LRRC4C: variants seen among roughly 807,000 people sequenced by gnomAD.
LRRC4C encodes the protein leucine-rich repeat-containing protein 4C.
Under a neutral mutation model 33.6 loss-of-function variants are expected in LRRC4C, and 5 were observed. The ratio of observed to expected loss-of-function variants is 0.15; its 90% CI spans 0.08 to 0.31. The LOEUF is 0.31. Among genes scored for constraint, LRRC4C ranks in the 10% least tolerant of loss-of-function variants. The pLI is 1.00. For missense variants in LRRC4C, 560 were observed against 796.7 expected (o/e 0.70, Z 3.58); for synonymous variants, 329 against 302.0 (o/e 1.09, Z -0.93).
At chr11:41,221,582 T>C (rs1947308242) in intron 1 of LRRC4C, among the ~76,000 whole-genome samples, 1 of 152,166 alleles carries the variant, frequency 6.6e-6, no homozygotes, top group African/African-American at 2.4e-5. Context: ...ATCATTCTAT[T>C]ATAAAGACAT....
intron 1 of LRRC4C, among the ~76,000 whole-genome samples, chr11:40,972,592 T>C (rs925432370): frequency 2.6e-5 from 4 of 152,138 alleles, no homozygotes; most frequent in Admixed American, 1.3e-4. Flanking sequence ...CAGTTCAGCA[T>C]GGCTTGGGAG....
intron 1 of LRRC4C, among the ~76,000 whole-genome samples, chr11:41,058,319 G>A (rs530711395): frequency 1.3e-5 from 2 of 152,194 alleles, no homozygotes; most frequent in East Asian, 1.9e-4. Flanking sequence ...CTGCAGCCTC[G>A]CAAAGAGCCA....
At chr11:40,180,403 C>T (rs139348385) in intron 5 of LRRC4C, among the ~76,000 whole-genome samples, 1,894 of 152,310 alleles carry the variant, frequency 0.012, 14 homozygotes, top group Non-Finnish European at 0.02. Flanking sequence ...TTTTGCAAAA[C>T]CCCTCCTACC....
intron 5 of LRRC4C, among the ~76,000 whole-genome samples, chr11:40,180,416 A>C (rs1249609370): frequency 6.6e-6 from 1 of 152,182 alleles, no homozygotes; most frequent in Non-Finnish European, 1.5e-5. Flanking sequence ...CTCCTACCCT[A>C]TCCTCTTCCT....
At chr11:41,228,730 G>A (rs1180970494) in intron 1 of LRRC4C, among the ~76,000 whole-genome samples, 1 of 151,986 alleles carries the variant, frequency 6.6e-6, no homozygotes, top group Non-Finnish European at 1.5e-5. Context: ...CTTATTTTCT[G>A]TAGTATGTCA....
intron 3 of LRRC4C, among the ~76,000 whole-genome samples, chr11:40,394,756 G>A (rs1476794043): frequency 1.3e-5 from 2 of 152,198 alleles, no homozygotes; most frequent in Admixed American, 6.6e-5. Context: ...ATAGAGAGAA[G>A]CAATGATTTA....
intron 5 of LRRC4C, among the ~76,000 whole-genome samples, chr11:40,193,686 T>G (rs536491668): frequency 6.6e-6 from 1 of 152,048 alleles, no homozygotes; most frequent in Non-Finnish European, 1.5e-5. Flanking sequence ...TCTAACCCAA[T>G]GCAGGGAAGC....
intron 1 of LRRC4C, among the ~76,000 whole-genome samples, chr11:41,281,082 T>TC (rs1949658080): frequency 7.7e-5 from 7 of 90,854 alleles, no homozygotes; most frequent in Admixed American, 2.2e-4. Flanking sequence ...CTCTGTCCTC[T>TC]CTCTCTCTCT....
At chr11:40,778,043 T>G (rs1054065078) in intron 2 of LRRC4C, among the ~76,000 whole-genome samples, 1 of 152,274 alleles carries the variant, frequency 6.6e-6, no homozygotes, top group African/African-American at 2.4e-5. Flanking sequence ...GTAGGGACAT[T>G]TAGGCCATTT....
intron 3 of LRRC4C, among the ~76,000 whole-genome samples, chr11:40,629,337 T>G (rs552007615): frequency 6.6e-6 from 1 of 152,260 alleles, no homozygotes; most frequent in Non-Finnish European, 1.5e-5. Context: ...ATCACAACCA[T>G]ATATTTACAG....
intron 3 of LRRC4C, among the ~76,000 whole-genome samples, chr11:40,570,206 AT>A (rs897254708): frequency 6.6e-6 from 1 of 152,060 alleles, no homozygotes; most frequent in Non-Finnish European, 1.5e-5. Flanking sequence ...TATATGAATT[AT>A]TTTTTCTATG....
chr11:40,906,749 A>G (rs1216699459), intron 2 of LRRC4C, among the ~76,000 whole-genome samples: 1 of 151,956 alleles, frequency 6.6e-6, no homozygotes, highest in Non-Finnish European at 1.5e-5. Flanking sequence ...CAATAAATTC[A>G]CATGTATGTA....
chr11:41,296,212 G>A (rs575393032), intron 1 of LRRC4C, among the ~76,000 whole-genome samples: 77 of 152,270 alleles, frequency 5.1e-4, no homozygotes, highest in African/African-American at 1.7e-3. Flanking sequence ...GTGTACTTCC[G>A]ATAGGATCTT....
chr11:40,978,419 T>C (rs1445764386), intron 1 of LRRC4C, among the ~76,000 whole-genome samples: 1 of 152,198 alleles, frequency 6.6e-6, no homozygotes, highest in Non-Finnish European at 1.5e-5. Context: ...TATTTTATAA[T>C]ATTTGGAGAC....
chr11:41,001,053 T>C (rs1854340691), intron 1 of LRRC4C, among the ~76,000 whole-genome samples: 1 of 152,154 alleles, frequency 6.6e-6, no homozygotes, highest in African/African-American at 2.4e-5. Context: ...AAGACAGAGT[T>C]ATTTTATTGC....
chr11:40,667,571 T>C (rs1943880572), intron 2 of LRRC4C, among the ~76,000 whole-genome samples: 1 of 152,144 alleles, frequency 6.6e-6, no homozygotes, highest in African/African-American at 2.4e-5. Context: ...TAGCTGACTG[T>C]TGTGAGTCTC....
intron 2 of LRRC4C, among the ~76,000 whole-genome samples, chr11:40,682,382 T>C (rs970339128): frequency 6.6e-6 from 1 of 152,140 alleles, no homozygotes; most frequent in Non-Finnish European, 1.5e-5. Flanking sequence ...AAACACTGCC[T>C]TATAAAAATT....
At chr11:40,530,084 A>T (rs1956213376) in intron 3 of LRRC4C, among the ~76,000 whole-genome samples, 1 of 152,136 alleles carries the variant, frequency 6.6e-6, no homozygotes, top group Non-Finnish European at 1.5e-5. Flanking sequence ...AGAGCAATTC[A>T]AGACTGTGGA....
chr11:40,179,889 TTC>T (rs1206161471), intron 5 of LRRC4C, among the ~76,000 whole-genome samples: 1 of 152,202 alleles, frequency 6.6e-6, no homozygotes, highest in Admixed American at 6.5e-5. Flanking sequence ...TCTGTCTCCT[TTC>T]TGTCTCTCCC....
Sources: allele counts gnomAD v4.1 joint callset (sites outside exome capture counted in the v4.1 genomes callset), GRCh38; gene constraint gnomAD v4.1.1; transcripts MANE v1.5; gene names NCBI Gene and HGNC (gene_info 2026-07-23, HGNC 2026-07-21).